Variants in ACACA observed in about 807,000 individuals in gnomAD.
ACACA encodes the protein acetyl-CoA carboxylase alpha, also known as acetyl-CoA carboxylase 1.
In ACACA, 103 loss-of-function variants were observed where a neutral mutation model predicts 296.1. The observed-to-expected ratio is 0.35, with a 90% CI of 0.30 to 0.41. ACACA has a LOEUF of 0.41. ACACA is among the 10% of genes least tolerant of loss of function. ACACA has a pLI of 1.00. For missense variants in ACACA, 1,554 were observed against 2,989.7 expected, an observed-to-expected ratio of 0.52 and a Z score of 11.20; for synonymous variants, 953 against 1,038.6, an observed-to-expected ratio of 0.92 and a Z score of 1.58.
At chr17:37,283,154 C>T in intron 5 of ACACA, 113 bp downstream of exon 5, 1 of 1,282,282 alleles carries the variant, frequency 7.8e-7, no homozygotes, top group Non-Finnish European at 1.1e-6. Flanking sequence ...AAGGATTTTA[C>T]TTGGAAGTCC....
At chr17:37,290,868 G>A (rs562903020) in intron 3 of ACACA, among the ~76,000 whole-genome samples, 15 of 152,112 alleles carry the variant, frequency 9.9e-5, no homozygotes, top group African/African-American at 3.6e-4. Flanking sequence ...GGACCACGAG[G>A]TCAAGATATC....
rs2076030150 is a variant in ACACA, at chr17:37,151,337, G to A, written c.5532C>T (p.Ser1844=). ...LRGSGMIAGE[S]SLAYNEIITI... ...TAATGATCTCATTATAGGCCAATGAGGATTCTCCAGCAATCATTCCAGAAC... is the reference window on the plus strand; with the variant it reads ...TAATGATCTCATTATAGGCCAATGAAGATTCTCCAGCAATCATTCCAGAAC... Residue 1844 remains serine, a synonymous_variant, in exon 44 of 56, where the codon TCC becomes TCT. Transcript: ENST00000616317. 6.2e-7 allele frequency: 1 copy of A among 1,613,884 alleles called. No homozygotes were observed. The highest frequency in any genetic ancestry group is 8.5e-7 in the Non-Finnish European group (1 of 1,180,002).
At chr17:37,223,701 T>C in intron 27 of ACACA, 100 bp from the exon 28 acceptor site, 1 of 890,300 alleles carries the variant, frequency 1.1e-6, no homozygotes, top group Non-Finnish European at 1.9e-6. Flanking sequence ...CCTAAGAATT[T>C]TGTCTCTGAA....
intron 1 of ACACA, chr17:37,392,529 G>A (rs1326888427): frequency 6.6e-6 from 1 of 152,122 alleles, no homozygotes; most frequent in Non-Finnish European, 1.5e-5. Context: ...CAATGTTGAG[G>A]TGAAAAAGGA....
chr17:37,229,620 A>G (rs1230183231), intron 25 of ACACA, among the ~76,000 whole-genome samples: 1 of 152,048 alleles, frequency 6.6e-6, no homozygotes, highest in Non-Finnish European at 1.5e-5. Flanking sequence ...ATCATGCTCT[A>G]ACTTAAAAGA....
At chr17:37,088,852 C>A (rs1199997137) in intron 55 of ACACA, 86 bp downstream of exon 55, 1 of 1,516,936 alleles carries the variant, frequency 6.6e-7, no homozygotes, top group African/African-American at 1.4e-5. Context: ...AAGATTTCTG[C>A]GATCATCTCA....
chr17:37,382,128 T>C (rs190414740), intron 1 of ACACA, among the ~76,000 whole-genome samples: 14 of 152,322 alleles, frequency 9.2e-5, no homozygotes, highest in African/African-American at 3.4e-4. Context: ...AATTTATCAA[T>C]AAGATTTATC....
At chr17:37,347,797 T>C (rs2048701678) in intron 1 of ACACA, among the ~76,000 whole-genome samples, 1 of 150,730 alleles carries the variant, frequency 6.6e-6, no homozygotes, top group African/African-American at 2.4e-5. Context: ...AGAAAGAATT[T>C]TTAAAAGCTA....
chr17:37,332,975 A>T (rs2047953694), intron 2 of ACACA, among the ~76,000 whole-genome samples: 1 of 151,832 alleles, frequency 6.6e-6, no homozygotes, highest in Non-Finnish European at 1.5e-5. Context: ...CCCTTGACTG[A>T]TCCCGACCTC....
At chr17:37,383,058 G>T (rs181084805) in intron 1 of ACACA, among the ~76,000 whole-genome samples, 77 of 152,170 alleles carry the variant, frequency 5.1e-4, no homozygotes, top group African/African-American at 1.8e-3. Flanking sequence ...AAACTCAAAA[G>T]ACTCTGGCAG....
intron 16 of ACACA, among the ~76,000 whole-genome samples, chr17:37,249,628 T>A (rs150397364): frequency 5.8e-4 from 89 of 152,292 alleles, no homozygotes; most frequent in African/African-American, 2.1e-3. Flanking sequence ...TGTTTTCACA[T>A]GTGGAACAAA....
chr17:37,143,463 G>T, intron 45 of ACACA: 1 of 258,034 alleles, frequency 3.9e-6, no homozygotes, highest in African/African-American at 2.3e-5. Flanking sequence ...CCCCCATCCT[G>T]TACCAGGCAA....
At chr17:37,329,832 T>C (rs1019520609) in intron 3 of ACACA, among the ~76,000 whole-genome samples, 1 of 151,678 alleles carries the variant, frequency 6.6e-6, no homozygotes, top group African/African-American at 2.4e-5. Context: ...TCCCAGCTAC[T>C]TGGGAGGCTG....
At chr17:37,391,827 C>A in intron 1 of ACACA, 2 of 1,046,176 alleles carry the variant, frequency 1.9e-6, no homozygotes, top group Non-Finnish European at 2.9e-6. Context: ...TCAGCAGGGA[C>A]ATTACAATCA....
At chr17:37,268,721 C>CTA (rs1334153360) in intron 10 of ACACA, among the ~76,000 whole-genome samples, 1 of 108,102 alleles carries the variant, frequency 9.3e-6, no homozygotes, top group African/African-American at 4.0e-5. Context: ...CTATATCTAT[C>CTA]TATCTATCTA....
Position 37,309,197 on chromosome 17 carries a change from A to T in ACACA, c.338+20976T>A, listed in dbSNP as rs189559538. On this transcript the variant is annotated intron_variant, in intron 3 of 55. Coordinates refer to ENST00000616317, the MANE Select transcript of ACACA (RefSeq NM_198834.3). ...ACACCATGCCCAGCTATTAAAAAAA[A>T]TTTTTTTTTGTAGAGTATAGGTCTC... is the stretch of plus-strand genomic sequence containing the variant. 6.6e-3 allele frequency among the ~76,000 whole-genome samples: 1,004 copies of T among 151,348 alleles called. 7 individuals are homozygous for T. The highest frequency in any genetic ancestry group is 0.022 in the African/African-American group (891 of 41,256).
At chr17:37,260,284 ATATATATATATAT>A (rs1303069047) in intron 11 of ACACA, among the ~76,000 whole-genome samples, 6 of 43,452 alleles carry the variant, frequency 1.4e-4, no homozygotes, top group African/African-American at 2.6e-4. Context: ...ATATATATAT[ATATATATATATAT>A]TTTTTTTTTT....
In ACACA at chr17:37,244,611, G is replaced by A. The variant is rs1253579602; in HGVS notation, c.2719C>T (p.Pro907Ser). The change falls in exon 21 of 56, where the codon CCA becomes TCA. Residue 907 changes from proline (P) to serine (S), a missense_variant. Around this residue, in one of 16 missense-constraint regions of ACACA, gnomAD observed 316 missense variants for 540.9 expected, o/e 0.58. Transcript: ENST00000616317. ...ACCTTGCTGCTAAAGAAAGGATCTG[G>A]AAGGCAGTATCCATTCATTACATTG... Reference protein sequence around the residue: ...LVNVMNGYCLPDPFFSSKVKD... With the variant: ...LVNVMNGYCLSDPFFSSKVKD... 6.2e-7 allele frequency: 1 copy of A among 1,614,156 alleles called. No individual in the cohort carries two copies. Among genetic ancestry groups the A allele is most frequent in the Admixed American group, 1.7e-5 (1 of 60,026 alleles).
chr17:37,154,514 T>C (rs1371325549), intron 43 of ACACA, among the ~76,000 whole-genome samples: 1 of 152,126 alleles, frequency 6.6e-6, no homozygotes, highest in African/African-American at 2.4e-5. Context: ...TTCTTTTTTT[T>C]GAGATGGAGT....
Sources: gnomAD v4.1 joint callset for allele counts (sites outside exome capture counted in the v4.1 genomes callset) on GRCh38, gnomAD v4.1.1 for gene constraint, gnomAD v4.1.1 regional missense constraint, MANE v1.5 for transcripts, NCBI Gene and HGNC (gene_info 2026-07-23, HGNC 2026-07-21) for gene names.